Variants in CSMD1 observed in about 807,000 individuals in gnomAD.
The protein encoded by CSMD1 is CUB and Sushi multiple domains 1.
A neutral mutation model predicts 417.5 loss-of-function variants in CSMD1; 213 were observed. The ratio of observed to expected loss-of-function variants is 0.51; its 90% CI spans 0.46 to 0.57. The LOEUF is 0.57. CSMD1 is among the 20% of genes least tolerant of loss of function. CSMD1 has a pLI of 0.00. For missense variants in CSMD1, 6,923 were observed against 4,529.7 expected (o/e 1.53, Z -15.17); for synonymous variants, 2,862 against 1,736.8 (o/e 1.65, Z -16.11).
chr8:3,039,222 C>T (rs968973814), intron 50 of CSMD1, among the ~76,000 whole-genome samples: 3 of 141,272 alleles, frequency 2.1e-5, no homozygotes, highest in Non-Finnish European at 4.4e-5. Flanking sequence ...CAACTTCTAG[C>T]CTTCTCAGCC....
chr8:3,871,257 A>T (rs1418631730), intron 5 of CSMD1, among the ~76,000 whole-genome samples: 1 of 152,100 alleles, frequency 6.6e-6, no homozygotes, highest in African/African-American at 2.4e-5. Flanking sequence ...GCACTTAATA[A>T]TGCCAAATTA....
At chr8:4,643,028 T>G (rs77195226) in intron 1 of CSMD1, among the ~76,000 whole-genome samples, 166 of 152,294 alleles carry the variant, frequency 1.1e-3, no homozygotes, top group African/African-American at 3.8e-3. Flanking sequence ...GAATGTATAA[T>G]TGTCTCCAAC....
intron 3 of CSMD1, among the ~76,000 whole-genome samples, chr8:4,171,488 C>A (rs1487843675): frequency 6.6e-6 from 1 of 151,844 alleles, no homozygotes; most frequent in African/African-American, 2.4e-5. Context: ...AGAACAGATG[C>A]ATATGTGATC....
At chr8:3,589,527 C>G (rs1418974955) in intron 8 of CSMD1, among the ~76,000 whole-genome samples, 3 of 151,928 alleles carry the variant, frequency 2.0e-5, no homozygotes, top group Admixed American at 2.0e-4. Context: ...GAACCAGGCA[C>G]AGAAAGACAA....
intron 3 of CSMD1, among the ~76,000 whole-genome samples, chr8:4,330,633 T>C (rs1380211529): frequency 6.6e-6 from 1 of 151,786 alleles, no homozygotes; most frequent in Non-Finnish European, 1.5e-5. Context: ...AATCTAATCA[T>C]ATTTTATTTG....
intron 5 of CSMD1, among the ~76,000 whole-genome samples, chr8:3,928,298 C>A (rs1224905398): frequency 6.6e-6 from 1 of 152,114 alleles, no homozygotes; most frequent in South Asian, 2.1e-4. Context: ...GATTATTCAA[C>A]TTCTTGAATG....
At chr8:4,118,828 ACTT>A (rs1490135204) in intron 3 of CSMD1, among the ~76,000 whole-genome samples, 1 of 152,200 alleles carries the variant, frequency 6.6e-6, no homozygotes, top group Non-Finnish European at 1.5e-5. Flanking sequence ...AATAGCAAAG[ACTT>A]GGAACCAACC....
chr8:4,775,592 A>T (rs1585079711), intron 1 of CSMD1, among the ~76,000 whole-genome samples: 1 of 152,330 alleles, frequency 6.6e-6, no homozygotes, highest in East Asian at 1.9e-4. Context: ...AAGATATTTT[A>T]AGCAACTAAT....
At chr8:3,077,790 C>T (rs372585716) in intron 49 of CSMD1, among the ~76,000 whole-genome samples, 3 of 152,222 alleles carry the variant, frequency 2.0e-5, no homozygotes, top group Admixed American at 6.5e-5. Flanking sequence ...TAGAGGCTGC[C>T]GCTGTGCCTC....
At chr8:4,690,341 C>T (rs566521658) in intron 1 of CSMD1, among the ~76,000 whole-genome samples, 10 of 152,280 alleles carry the variant, frequency 6.6e-5, no homozygotes, top group Middle Eastern at 3.4e-3. Flanking sequence ...ATTAAAACAG[C>T]TACTTCCCTT....
chr8:4,167,269 T>C (rs1797508277), intron 3 of CSMD1, among the ~76,000 whole-genome samples: 1 of 152,146 alleles, frequency 6.6e-6, no homozygotes, highest in African/African-American at 2.4e-5. Context: ...CAGTTTTTCC[T>C]TGCAGTTTAG....
At chr8:4,828,623 C>A (rs1294233053) in intron 1 of CSMD1, among the ~76,000 whole-genome samples, 1 of 152,164 alleles carries the variant, frequency 6.6e-6, no homozygotes, top group East Asian at 1.9e-4. Flanking sequence ...GAATCCCTTT[C>A]TTTAAAACTG....
intron 1 of CSMD1, among the ~76,000 whole-genome samples, chr8:4,708,787 T>C (rs966106736): frequency 1.3e-5 from 2 of 152,086 alleles, no homozygotes; most frequent in Non-Finnish European, 2.9e-5. Flanking sequence ...GAGAGAAGAT[T>C]TTGTAATAGA....
intron 46 of CSMD1, among the ~76,000 whole-genome samples, chr8:3,097,984 C>T (rs1815445267): frequency 6.6e-6 from 1 of 152,158 alleles, no homozygotes; most frequent in Non-Finnish European, 1.5e-5. Context: ...AATTATTATT[C>T]AACTACTTCC....
intron 5 of CSMD1, among the ~76,000 whole-genome samples, chr8:3,926,082 TAC>T (rs58966907): frequency 0.065 from 6,699 of 103,636 alleles, 328 homozygotes; most frequent in East Asian, 0.11. Flanking sequence ...ACAAACACCA[TAC>T]ACACACACAC....
At chr8:3,265,958 C>G (rs1025744508) in intron 26 of CSMD1, among the ~76,000 whole-genome samples, 1 of 151,600 alleles carries the variant, frequency 6.6e-6, no homozygotes, top group Non-Finnish European at 1.5e-5. Context: ...GTTTTGGATG[C>G]GTTATTTTTA....
intron 1 of CSMD1, among the ~76,000 whole-genome samples, chr8:4,922,591 T>A (rs947525988): frequency 5.3e-5 from 8 of 152,184 alleles, no homozygotes; most frequent in Admixed American, 4.6e-4. Flanking sequence ...AAGCTATTGA[T>A]AGCGCTCATG....
At chr8:3,304,742 T>C (rs1457778069) in intron 25 of CSMD1, among the ~76,000 whole-genome samples, 1 of 152,094 alleles carries the variant, frequency 6.6e-6, no homozygotes, top group Non-Finnish European at 1.5e-5. Flanking sequence ...TTTTAATTTT[T>C]TTTATTAAAA....
intron 3 of CSMD1, among the ~76,000 whole-genome samples, chr8:4,036,462 G>A (rs958308106): frequency 8.5e-5 from 13 of 152,210 alleles, no homozygotes; most frequent in African/African-American, 2.6e-4. Context: ...TCCCCAAGAA[G>A]GTGTCTGAAA....
Sources: allele counts gnomAD v4.1 joint callset (sites outside exome capture counted in the v4.1 genomes callset), GRCh38; gene constraint gnomAD v4.1.1; transcripts MANE v1.5; gene names NCBI Gene and HGNC (gene_info 2026-07-23, HGNC 2026-07-21).